The following ANXA11 variants were observed in gnomAD, a reference collection of about 807,000 sequenced individuals.
ANXA11 encodes 56 kDa autoantigen.
Under a neutral mutation model 64.7 loss-of-function variants are expected in ANXA11, and 57 were observed. That is an observed-to-expected ratio of 0.88 (90% CI 0.71 to 1.10). ANXA11 has a LOEUF of 1.10. Among genes scored for constraint, ANXA11 ranks in the 50% least tolerant of loss-of-function variants. The pLI, the probability that ANXA11 is intolerant of heterozygous loss-of-function variation, is 0.00. For missense variants in ANXA11, 675 were observed against 670.7 expected (o/e 1.01, Z -0.07); for synonymous variants, 260 against 265.2 (o/e 0.98, Z 0.19).
At chr10:80,168,725 T>G (rs377126062) in intron 5 of ANXA11, among the ~76,000 whole-genome samples, 5 of 152,014 alleles carry the variant, frequency 3.3e-5, no homozygotes, top group Admixed American at 2.0e-4. Flanking sequence ...TTAGTAGAGA[T>G]AGGGTTTCAC....
chr10:80,166,804 C>A, intron 7 of ANXA11, 86 bp downstream of exon 7: 1 of 1,050,318 alleles, frequency 9.5e-7, no homozygotes, highest in Non-Finnish European at 1.4e-6. Context: ...GAGATCCGGG[C>A]CCACCCAAGG....
At chr10:80,171,187 G>A in intron 3 of ANXA11, 5 of 1,308,012 alleles carry the variant, frequency 3.8e-6, no homozygotes, top group Non-Finnish European at 3.9e-6. Context: ...AGGAGGCTGG[G>A]AGAGCCCAGG....
At chr10:80,189,487 A>G (rs879386267) in intron 1 of ANXA11, among the ~76,000 whole-genome samples, 2 of 152,248 alleles carry the variant, frequency 1.3e-5, no homozygotes, top group African/African-American at 2.4e-5. Flanking sequence ...TCAAAAAATT[A>G]AACATAGAAC....
intron 1 of ANXA11, among the ~76,000 whole-genome samples, chr10:80,187,639 G>A (rs1846597701): frequency 6.6e-6 from 1 of 151,142 alleles, no homozygotes; most frequent in Non-Finnish European, 1.5e-5. Flanking sequence ...AGGTGGCAGG[G>A]GCGGGGAGGA....
In ANXA11 at chr10:80,151,754, C is replaced by T. The variant is rs990695014; in HGVS notation, c.*4099G>A. ...CAGACTGTGCCATCTGCTCACCTGC[C>T]CTCTGGAGGAACACCTCTACTTTTG... On this transcript the variant is annotated 3_prime_UTR_variant, in exon 16 of 16. Transcript: ENST00000422982. 1 of 152,174 alleles carries T rather than the reference C, an allele frequency of 6.6e-6. No individual in the cohort carries two copies. Among genetic ancestry groups the T allele is most frequent in the Non-Finnish European group, 1.5e-5 (1 of 68,046 alleles). The allele number at this position is 152,174 out of a possible 1,614,324, so 9.4% of individuals were successfully genotyped here. A position where few individuals can be genotyped will look rare whatever the true frequency, so the allele number is the denominator to read the frequency against.
rs865879155 is a variant in ANXA11 at position 80,166,927 on chromosome 10, T to C, written c.707A>G (p.Gln236Arg). 6.2e-7 allele frequency: 1 copy of C among 1,609,310 alleles called. No homozygotes were observed. ...CGTCTTGAAGGAAAGTAGGATCTGC[T>C]GCCGCTGCTTGTTGGAGCGACTCCC... is the stretch of plus-strand genomic sequence containing the variant. ...CLGSRSNKQR[Q>R]QILLSFKTAY... The change falls in exon 7 of 16, where the codon CAG becomes CGG. Residue 236 changes from glutamine to arginine, a missense_variant. Physicochemically the swap from Gln to Arg is conservative, Grantham distance 43. Coordinates refer to ENST00000422982, the MANE Select transcript of ANXA11 (RefSeq NM_145868.2).
Position 80,151,376 on chromosome 10 carries a change from G to C in ANXA11, c.*4477C>G, listed in dbSNP as rs564998737. On this transcript the variant is annotated 3_prime_UTR_variant, in exon 16 of 16. Transcript: ENST00000422982. ...GGACCCTACATGAGTCCAGGTTGTG[G>C]ACTGAGTAATGATGTCCCTATCCCT... 2 of 152,340 alleles carry C rather than the reference G, an allele frequency of 1.3e-5. No homozygotes were observed. The highest frequency in any genetic ancestry group is 4.1e-4 in the South Asian group (2 of 4,828). 9.4% of individuals were successfully genotyped at this position (152,340 alleles called of 1,614,324 possible).
At chr10:80,199,704 A>C (rs968943309) in intron 1 of ANXA11, among the ~76,000 whole-genome samples, 1 of 152,242 alleles carries the variant, frequency 6.6e-6, no homozygotes, top group Non-Finnish European at 1.5e-5. Flanking sequence ...TGTAAAATTT[A>C]AAAACATATA....
At chr10:80,186,642 G>A (rs61860043) in intron 1 of ANXA11, among the ~76,000 whole-genome samples, 10,448 of 152,226 alleles carry the variant, frequency 0.069, 559 homozygotes, top group South Asian at 0.2. Flanking sequence ...CCAACCCTGC[G>A]GGCACCAGAG....
At chr10:80,192,726 A>T (rs1428939870) in intron 1 of ANXA11, among the ~76,000 whole-genome samples, 1 of 152,202 alleles carries the variant, frequency 6.6e-6, no homozygotes, top group African/African-American at 2.4e-5. Flanking sequence ...ATAACAGAAT[A>T]ATGTGTTCAG....
chr10:80,172,775 T>G (rs765045449), intron 3 of ANXA11, 32 bp downstream of exon 3: 1 of 1,608,320 alleles, frequency 6.2e-7, no homozygotes, highest in Non-Finnish European at 8.5e-7. Context: ...AGAGGCAGCA[T>G]TCACTCTCCT....
chr10:80,178,085 C>T (rs1259544265), intron 1 of ANXA11, among the ~76,000 whole-genome samples: 1 of 152,186 alleles, frequency 6.6e-6, no homozygotes, highest in Non-Finnish European at 1.5e-5. Context: ...TCGTTCCTGG[C>T]ACCCCAGGGC....
At chr10:80,202,690 G>A (rs1564630899) in intron 1 of ANXA11, among the ~76,000 whole-genome samples, 2 of 152,206 alleles carry the variant, frequency 1.3e-5, no homozygotes, top group South Asian at 2.1e-4. Context: ...TTACACAGAC[G>A]CTTCCCCATG....
rs986634664 is a variant in ANXA11 at position 80,154,083 on chromosome 10, T to TA, written c.*1769_*1770insT. On this transcript the variant is annotated 3_prime_UTR_variant, in exon 16 of 16. Coordinates refer to ENST00000422982, the MANE Select transcript of ANXA11 (RefSeq NM_145868.2). ...CTCCAGAGTAGCCGACTATAGGGAA[T>TA]GCACTACAATGCCAGGTAAATTTTT... 6.8e-6 allele frequency: 1 copy of TA among 147,020 alleles called. No homozygotes were observed. The highest frequency in any genetic ancestry group is 2.5e-5 in the African/African-American group (1 of 39,402). 9.1% of individuals were successfully genotyped at this position (147,020 alleles called of 1,614,324 possible).
intron 8 of ANXA11, among the ~76,000 whole-genome samples, chr10:80,164,946 C>T (rs1174899352): frequency 2.0e-5 from 3 of 152,218 alleles, no homozygotes; most frequent in Non-Finnish European, 4.4e-5. Context: ...ACCCAGTATT[C>T]CCAGCATGTC....
chr10:80,163,951 C>A, intron 9 of ANXA11, 102 bp downstream of exon 9: 1 of 998,886 alleles, frequency 1.0e-6, no homozygotes. Context: ...GATAAGAAGG[C>A]CAGGAAGGAG....
chr10:80,186,859 G>A lies in ANXA11; in HGVS notation c.-57-10704C>T, dbSNP rs537384605. ...CATGGCAGGCTTCCCTGGAAGCCAG[G>A]CCACTCCTCTTTGTGGGCAGAGTCA... On this transcript the variant is annotated intron_variant, in intron 1 of 15. Coordinates refer to ENST00000422982, the MANE Select transcript of ANXA11 (RefSeq NM_145868.2). Among the ~76,000 whole-genome samples the A allele has an allele frequency of 1.8e-4, 27 of 152,346 alleles. 3 individuals are homozygous for A. In the South Asian group the frequency reaches 3.5e-3, roughly 20 times the overall value.
chr10:80,164,880 T>C (rs988827509), intron 8 of ANXA11, among the ~76,000 whole-genome samples: 2 of 152,202 alleles, frequency 1.3e-5, no homozygotes, highest in African/African-American at 2.4e-5. Context: ...ACGTGCGACA[T>C]TGTGTCAGCT....
At chr10:80,205,565 G>A (rs1006526435), upstream of ANXA11, 3 of 152,190 alleles carry the variant, frequency 2.0e-5, no homozygotes, top group East Asian at 1.9e-4. Context: ...AGGTGCCAGA[G>A]GCAGTGCAAG....
Sources: gnomAD v4.1 joint callset for allele counts (sites outside exome capture counted in the v4.1 genomes callset) on GRCh38, gnomAD v4.1.1 for gene constraint, MANE v1.5 for transcripts, NCBI Gene and HGNC (gene_info 2026-07-23, HGNC 2026-07-21) for gene names.